ITGA4: variants seen among roughly 807,000 people sequenced by gnomAD.
The protein encoded by ITGA4 is integrin subunit alpha 4.
Under a neutral mutation model 133.6 loss-of-function variants are expected in ITGA4, and 63 were observed. The observed-to-expected ratio is 0.47, with a 90% confidence interval of 0.38 to 0.58. ITGA4 has a LOEUF of 0.58. ITGA4 is among the 20% of genes least tolerant of loss of function. The pLI is 0.00. For missense variants in ITGA4, 1,076 were observed against 1,252.7 expected (o/e 0.86, Z 2.13); for synonymous variants, 483 against 438.0 (o/e 1.10, Z -1.28).
intron 22 of ITGA4, among the ~76,000 whole-genome samples, chr2:181,528,496 T>C (rs1343497422): frequency 3.3e-5 from 5 of 152,366 alleles, no homozygotes; most frequent in Non-Finnish European, 5.9e-5. Context: ...AGGATTTCTG[T>C]GTCTAGTCAA....
chr2:181,478,058 TCTGA>T (rs1171185920), intron 4 of ITGA4, among the ~76,000 whole-genome samples: 1 of 152,014 alleles, frequency 6.6e-6, no homozygotes, highest in African/African-American at 2.4e-5. Flanking sequence ...AAAAGGAAAT[TCTGA>T]CTTTTGTGAC....
chr2:181,519,158 G>A (rs1322481751), intron 17 of ITGA4, among the ~76,000 whole-genome samples: 1 of 152,008 alleles, frequency 6.6e-6, no homozygotes, highest in Non-Finnish European at 1.5e-5. Flanking sequence ...ACAACTACAT[G>A]TACCAATATG....
intron 2 of ITGA4, among the ~76,000 whole-genome samples, chr2:181,462,855 G>T (rs961102358): frequency 1.3e-5 from 2 of 152,090 alleles, no homozygotes; most frequent in Non-Finnish European, 2.9e-5. Flanking sequence ...ACAGTTCTAG[G>T]GTCAGATGCT....
At chr2:181,526,771 A>G (rs915076983) in intron 21 of ITGA4, among the ~76,000 whole-genome samples, 1 of 148,356 alleles carries the variant, frequency 6.7e-6, no homozygotes, top group Non-Finnish European at 1.5e-5. Context: ...AAAGCAAGAA[A>G]AGAATATCGG....
At position 181,523,079 on chromosome 2, in the gene ITGA4, A is replaced by C. The variant is rs1242450543; in HGVS notation, c.2074-358A>C. Among the ~76,000 whole-genome samples, 2 of 152,136 alleles carry C rather than the reference A, an allele frequency of 1.3e-5. No individual in the cohort carries two copies. Among genetic ancestry groups the C allele is most frequent in the African/African-American group, 4.8e-5 (2 of 41,426 alleles). On this transcript the variant is annotated intron_variant, in intron 18 of 27. Coordinates refer to ENST00000397033, the MANE Select transcript of ITGA4 (RefSeq NM_000885.6). The surrounding 1 kb of genome is among the most constrained non-coding windows in gnomAD (Gnocchi z 4.2). Reference sequence around the variant, plus strand: ...AATTCAGACCCTGGATTAAATAGGGAATATATCAAGATAAATGAAAGCTAC... The same window carrying C: ...AATTCAGACCCTGGATTAAATAGGGCATATATCAAGATAAATGAAAGCTAC...
rs977483250 is a variant in ITGA4 at position 181,488,899 on chromosome 2, C to T, written c.1153+2907C>T. Among the ~76,000 whole-genome samples the T allele has an allele frequency of 2.0e-5, 3 of 152,082 alleles. 1 individual carries two copies. The highest frequency in any genetic ancestry group is 6.6e-5 in the Admixed American group (1 of 15,258). ...ATCTTCTATTTTGCCCATGAGTAGG[C>T]GTTTTCTATATTTTAGATATTAGCA... On this transcript the variant is annotated intron_variant, in intron 10 of 27. Transcript: ENST00000397033.
chr2:181,495,746 T>C lies in ITGA4; in HGVS notation c.1386-37T>C. 1 of 1,570,762 alleles carries C rather than the reference T, an allele frequency of 6.4e-7. No homozygotes were observed. The highest frequency in any genetic ancestry group is 8.7e-7 in the Non-Finnish European group (1 of 1,152,774). On this transcript the variant is annotated intron_variant, in intron 13 of 27. Transcript: ENST00000397033. This position sits in a 1 kb window ranked among gnomAD's most constrained non-coding sequence, Gnocchi z 4.3. ...ATTTCTCTCCTTAAGGAAAAATAAT[T>C]CTGCAATTAACATTGCTACTTTTAT...
chr2:181,506,009 C>T (rs569975472), intron 15 of ITGA4, among the ~76,000 whole-genome samples: 12 of 152,116 alleles, frequency 7.9e-5, no homozygotes, highest in African/African-American at 1.9e-4. Context: ...CATTCCTATA[C>T]GGTCAAAGTT....
In ITGA4 at chr2:181,457,680, C is replaced by G; in HGVS notation, c.26C>G (p.Pro9Arg). 6.2e-7 allele frequency: 1 copy of G among 1,611,012 alleles called. No individual in the cohort carries two copies. The highest frequency in any genetic ancestry group is 2.2e-5 in the East Asian group (1 of 44,762). The change falls in exon 1 of 28, where the codon CCC becomes CGC. Residue 9 changes from proline (P) to arginine (R), a missense_variant. This residue lies in a region of ITGA4 where 82 missense variants were observed against 68.3 expected (regional missense o/e 1.20). Transcript: ENST00000397033. Reference protein sequence around the residue: MAWEARREPGPRRAAVRET... With the variant: MAWEARRERGPRRAAVRET... ...ATGGCTTGGGAAGCGAGGCGCGAAC[C>G]CGGCCCCCGAAGGGCCGCCGTCCGG...
intron 6 of ITGA4, 147 bp downstream of exon 6, chr2:181,480,413 G>T: frequency 2.4e-6 from 1 of 414,408 alleles, no homozygotes; most frequent in Admixed American, 4.3e-5. Context: ...TGTCTCTTAA[G>T]GATAGGATTT....
In ITGA4 at chr2:181,516,611, A is replaced by G. The variant is rs1425678811; in HGVS notation, c.1922+4836A>G. Among the ~76,000 whole-genome samples, 1 of 152,036 alleles carries G rather than the reference A, an allele frequency of 6.6e-6. No individual in the cohort carries two copies. The highest frequency in any genetic ancestry group is 2.4e-5 in the African/African-American group (1 of 41,416). The stretch of plus-strand genomic sequence containing the variant: ...TTACCTGTTTATCCCTGATTCTGTT[A>G]TGGTTGAAGGAGAATGGAGTCGTCA... On this transcript the variant is annotated intron_variant, in intron 17 of 27. Coordinates refer to ENST00000397033, the MANE Select transcript of ITGA4 (RefSeq NM_000885.6). The surrounding 1 kb of genome is among the most constrained non-coding windows in gnomAD (Gnocchi z 4.0).
At chr2:181,489,342 A>G (rs1046077723) in intron 10 of ITGA4, among the ~76,000 whole-genome samples, 5 of 151,558 alleles carry the variant, frequency 3.3e-5, no homozygotes, top group Admixed American at 3.3e-4. Flanking sequence ...TTCTAAAAAG[A>G]TGACCAATTG....
intron 10 of ITGA4, among the ~76,000 whole-genome samples, chr2:181,490,361 T>C (rs1293862506): frequency 6.6e-6 from 1 of 152,134 alleles, no homozygotes; most frequent in East Asian, 1.9e-4. Context: ...AGTAAGAGCA[T>C]GTGTTATTTT....
At chr2:181,467,086 A>T (rs959294551) in intron 2 of ITGA4, among the ~76,000 whole-genome samples, 4 of 152,160 alleles carry the variant, frequency 2.6e-5, no homozygotes, top group African/African-American at 7.2e-5. Flanking sequence ...CTTTTATAAA[A>T]AATATCTTGA....
intron 15 of ITGA4, 124 bp downstream of exon 15, chr2:181,498,901 A>G (rs1340942965): frequency 1.5e-6 from 2 of 1,347,152 alleles, no homozygotes; most frequent in Non-Finnish European, 1.9e-6. Flanking sequence ...CTCCTGAACT[A>G]TGACCTGTTG....
intron 17 of ITGA4, among the ~76,000 whole-genome samples, chr2:181,517,699 A>C (rs1686635083): frequency 6.6e-6 from 1 of 152,092 alleles, no homozygotes; most frequent in African/African-American, 2.4e-5. Flanking sequence ...ATGTATATTT[A>C]GGGGAAAGAA....
chr2:181,525,371 T>C (rs913581872), intron 21 of ITGA4, 80 bp downstream of exon 21: 1 of 714,358 alleles, frequency 1.4e-6, no homozygotes, highest in African/African-American at 1.8e-5. Context: ...GAAAAAACTG[T>C]ATTCTAGAAT....
chr2:181,474,453 A>G (rs1182937019), intron 2 of ITGA4, among the ~76,000 whole-genome samples: 1 of 152,214 alleles, frequency 6.6e-6, no homozygotes, highest in African/African-American at 2.4e-5. Context: ...TTGGTATGCT[A>G]ATTGTATGTT....
At chr2:181,486,834 A>T (rs1037716489) in intron 10 of ITGA4, among the ~76,000 whole-genome samples, 1 of 152,170 alleles carries the variant, frequency 6.6e-6, no homozygotes, top group Non-Finnish European at 1.5e-5. Flanking sequence ...TTTAGGGTTC[A>T]TAATTGTCTT....
Sources: gnomAD v4.1 joint callset for allele counts (sites outside exome capture counted in the v4.1 genomes callset) on GRCh38, gnomAD v4.1.1 for gene constraint, gnomAD v4.1.1 regional missense constraint, Gnocchi (gnomAD v3.1) non-coding constraint, MANE v1.5 for transcripts, NCBI Gene and HGNC (gene_info 2026-07-23, HGNC 2026-07-21) for gene names.